Variants in PPFIA2 observed in about 807,000 individuals in gnomAD.
PPFIA2 encodes the protein liprin-alpha-2.
A neutral mutation model predicts 175.5 loss-of-function variants in PPFIA2; 46 were observed. That is an observed-to-expected ratio of 0.26 (90% CI 0.21 to 0.34). PPFIA2 has a LOEUF of 0.34. PPFIA2 is among the 10% of genes least tolerant of loss of function. The pLI, the probability that PPFIA2 is intolerant of heterozygous loss-of-function variation, is 1.00. For missense variants in PPFIA2, 1,179 were observed against 1,506.1 expected, an observed-to-expected ratio of 0.78 and a Z score of 3.60; for synonymous variants, 568 against 511.4, an observed-to-expected ratio of 1.11 and a Z score of -1.49.
chr12:81,447,275 A>G lies in PPFIA2; in HGVS notation c.406-1555T>C, dbSNP rs1285181766. Among the ~76,000 whole-genome samples the G allele has an allele frequency of 3.3e-5, 5 of 152,292 alleles. No homozygotes were observed. The East Asian group carries it at 5.8e-4, about 18-fold the overall frequency. Reference sequence around the variant, plus strand: ...TTCTTTAGATACATGTATTCATTGCATAAATCCAAGCTGTTTTACATAGGT... The same window carrying G: ...TTCTTTAGATACATGTATTCATTGCGTAAATCCAAGCTGTTTTACATAGGT... On this transcript the variant is annotated intron_variant, in intron 5 of 32. Transcript: ENST00000549396.
At chr12:81,377,314 G>A (rs992659779) in intron 9 of PPFIA2, among the ~76,000 whole-genome samples, 6 of 152,154 alleles carry the variant, frequency 3.9e-5, no homozygotes, top group African/African-American at 1.4e-4. Flanking sequence ...GGGAGGCCAA[G>A]GTGGGCAGAT....
At chr12:81,382,715 G>A (rs1338711056) in intron 9 of PPFIA2, among the ~76,000 whole-genome samples, 1 of 152,094 alleles carries the variant, frequency 6.6e-6, no homozygotes, top group Non-Finnish European at 1.5e-5. Flanking sequence ...CTGGTTTGCT[G>A]AGAAAATATC....
At chr12:81,459,762 C>T (rs1466452529) in intron 4 of PPFIA2, among the ~76,000 whole-genome samples, 1 of 152,082 alleles carries the variant, frequency 6.6e-6, no homozygotes, top group Non-Finnish European at 1.5e-5. Context: ...CTAGTGACTC[C>T]ATGTATTAAG....
intron 9 of PPFIA2, among the ~76,000 whole-genome samples, chr12:81,382,255 G>A (rs1237783506): frequency 1.3e-5 from 2 of 152,168 alleles, no homozygotes; most frequent in Non-Finnish European, 2.9e-5. Flanking sequence ...ATGTTAGGAT[G>A]AGACAGTAGA....
chr12:81,557,503 T>C (rs115924095), intron 4 of PPFIA2, among the ~76,000 whole-genome samples: 209 of 152,098 alleles, frequency 1.4e-3, no homozygotes, highest in African/African-American at 4.9e-3. Context: ...TTGACCAAAG[T>C]GGAGAAGTAT....
At chr12:81,563,771 T>C (rs1274144246) in intron 4 of PPFIA2, among the ~76,000 whole-genome samples, 1 of 152,182 alleles carries the variant, frequency 6.6e-6, no homozygotes, top group African/African-American at 2.4e-5. Context: ...TTTGTGTATT[T>C]AAAAGATATA....
At chr12:81,538,109 T>C (rs929472082) in intron 4 of PPFIA2, among the ~76,000 whole-genome samples, 4 of 151,906 alleles carry the variant, frequency 2.6e-5, no homozygotes, top group African/African-American at 7.2e-5. Context: ...TAGGCTGTAA[T>C]GTTAGAAAGT....
rs375607543 is a variant in PPFIA2, at chr12:81,732,513, T to TTAA, written c.249+21459_249+21460insTTA. On this transcript the variant is annotated intron_variant, in intron 3 of 32. Transcript: ENST00000549396. ...AAGAAATATGGATGATGTTTTTTTT[T>TTAA]AAAAAAAAAAAAAAAACACTCACAC... Among the ~76,000 whole-genome samples, 27 of 134,008 alleles carry TTAA rather than the reference T, an allele frequency of 2.0e-4. No homozygotes were observed. In the South Asian group the frequency reaches 2.3e-3, roughly 11 times the overall value. 87.9% of individuals were successfully genotyped at this position (134,008 alleles called of 152,430 possible).
Position 81,281,312 on chromosome 12 carries a change from G to T in PPFIA2, c.3157C>A (p.His1053Asn), listed in dbSNP as rs1222640799. Residue 1053 changes from histidine to asparagine, a missense_variant, in exon 27 of 33, where the codon CAC becomes AAC. Around this residue, in one of 10 missense-constraint regions of PPFIA2, gnomAD observed 245 missense variants for 375.1 expected, o/e 0.65. Transcript: ENST00000549396. Reference sequence around the variant, plus strand: ...ACACGGAGATCTTTTTTTGTTAGGTGATCTAACATTCTTGCATCTACCAAG... The same window carrying T: ...ACACGGAGATCTTTTTTTGTTAGGTTATCTAACATTCTTGCATCTACCAAG... ...ECLVDARMLDHLTKKDLRVHL... is the reference protein window; with the variant it reads ...ECLVDARMLDNLTKKDLRVHL... 1.2e-6 allele frequency: 2 copies of T among 1,610,022 alleles called. No homozygotes were observed. The highest frequency in any genetic ancestry group is 1.7e-6 in the Non-Finnish European group (2 of 1,177,512).
chr12:81,409,365 A>T (rs2142997645), intron 7 of PPFIA2, among the ~76,000 whole-genome samples: 1 of 152,306 alleles, frequency 6.6e-6, no homozygotes, highest in East Asian at 1.9e-4. Flanking sequence ...TTGTAATGGT[A>T]TTAAGAGGTG....
intron 4 of PPFIA2, among the ~76,000 whole-genome samples, chr12:81,618,633 A>G (rs567396797): frequency 5.5e-4 from 80 of 144,214 alleles, no homozygotes; most frequent in African/African-American, 2.0e-3. Flanking sequence ...GGTTCACGCC[A>G]TTCTCCTGCC....
At chr12:81,377,197 G>A (rs1229175888) in intron 9 of PPFIA2, among the ~76,000 whole-genome samples, 1 of 151,850 alleles carries the variant, frequency 6.6e-6, no homozygotes, top group Admixed American at 6.6e-5. Flanking sequence ...ATTTATACGT[G>A]CCATTATTTG....
chr12:81,658,417 C>T (rs1041116098), intron 4 of PPFIA2, among the ~76,000 whole-genome samples: 9 of 151,888 alleles, frequency 5.9e-5, no homozygotes, highest in African/African-American at 1.9e-4. Flanking sequence ...TACTAATATG[C>T]TTTCTCTATA....
At chr12:81,307,233 A>G (rs2049485168) in intron 22 of PPFIA2, among the ~76,000 whole-genome samples, 1 of 152,148 alleles carries the variant, frequency 6.6e-6, no homozygotes, top group African/African-American at 2.4e-5. Context: ...GGTTACCACC[A>G]TGTGCCCGCA....
At chr12:81,518,774 G>T (rs2062767692) in intron 4 of PPFIA2, among the ~76,000 whole-genome samples, 1 of 152,034 alleles carries the variant, frequency 6.6e-6, no homozygotes, top group African/African-American at 2.4e-5. Context: ...AGACTCTTCT[G>T]TTTATTGCTA....
chr12:81,622,607 C>T (rs1398810257), intron 4 of PPFIA2, among the ~76,000 whole-genome samples: 1 of 152,070 alleles, frequency 6.6e-6, no homozygotes, highest in African/African-American at 2.4e-5. Flanking sequence ...TCCCTAGAGC[C>T]TGGGTAAAGC....
At chr12:81,378,573 G>C (rs1320648548) in intron 9 of PPFIA2, among the ~76,000 whole-genome samples, 1 of 151,980 alleles carries the variant, frequency 6.6e-6, no homozygotes, top group African/African-American at 2.4e-5. Context: ...TTATCTCAAT[G>C]ATGGTAGAGT....
chr12:81,329,073 G>C (rs1042003989), intron 21 of PPFIA2, among the ~76,000 whole-genome samples: 3 of 151,944 alleles, frequency 2.0e-5, no homozygotes, highest in Non-Finnish European at 2.9e-5. Flanking sequence ...CAAAGCACTG[G>C]GATTACAGAT....
At chr12:81,392,743 C>T (rs970057149) in intron 8 of PPFIA2, among the ~76,000 whole-genome samples, 3 of 151,934 alleles carry the variant, frequency 2.0e-5, no homozygotes, top group African/African-American at 7.2e-5. Context: ...TTTCCAAACT[C>T]AATATGTTTA....
Sources: gnomAD v4.1 joint callset for allele counts (sites outside exome capture counted in the v4.1 genomes callset) on GRCh38, gnomAD v4.1.1 for gene constraint, gnomAD v4.1.1 regional missense constraint, MANE v1.5 for transcripts, NCBI Gene and HGNC (gene_info 2026-07-23, HGNC 2026-07-21) for gene names.